The following TXLNB variants were observed in gnomAD, a reference collection of about 807,000 sequenced individuals.
The protein encoded by TXLNB is taxilin beta.
TXLNB carries 37 observed loss-of-function variants against 57.4 expected under a neutral mutation model. The ratio of observed to expected loss-of-function variants is 0.64; its 90% confidence interval spans 0.50 to 0.85. TXLNB has a LOEUF of 0.85. Among genes scored for constraint, TXLNB ranks in the 40% least tolerant of loss-of-function variants. The pLI is 0.00. For synonymous variants in TXLNB, 302 were observed against 309.6 expected, an observed-to-expected ratio of 0.98 and a Z score of 0.26; for missense variants, 848 against 825.6, an observed-to-expected ratio of 1.03 and a Z score of -0.33.
the TXLNB span, among the ~76,000 whole-genome samples, chr6:139,221,022 A>C: frequency 1.4e-4 from 21 of 152,336 alleles, no homozygotes; most frequent in African/African-American, 5.1e-4. Flanking sequence ...GAACTTGATA[A>C]AACAGGTAGA....
At chr6:139,207,685 A>G in the TXLNB span, among the ~76,000 whole-genome samples, 1 of 152,176 alleles carries the variant, frequency 6.6e-6, no homozygotes, top group East Asian at 1.9e-4. Context: ...CAATAAATGA[A>G]CCAAAAGTTG....
upstream of TXLNB, among the ~76,000 whole-genome samples, chr6:139,296,358 C>A (rs1294744729): frequency 6.6e-6 from 1 of 151,680 alleles, no homozygotes; most frequent in African/African-American, 2.4e-5. Context: ...TATTATTTTC[C>A]CCTGTCTTTT....
chr6:139,216,998 A>T, the TXLNB span, among the ~76,000 whole-genome samples: 1 of 152,170 alleles, frequency 6.6e-6, no homozygotes, highest in Non-Finnish European at 1.5e-5. Context: ...AACCACGTGT[A>T]CCCCAAAAAC....
intron 2 of TXLNB, among the ~76,000 whole-genome samples, chr6:139,288,001 G>T (rs1777216860): frequency 6.6e-6 from 1 of 152,252 alleles, no homozygotes; most frequent in Admixed American, 6.5e-5. Context: ...GATAGGTACA[G>T]ATTTCTAGGT....
chr6:139,249,626 T>G (rs1776146854), intron 7 of TXLNB, among the ~76,000 whole-genome samples: 1 of 151,936 alleles, frequency 6.6e-6, no homozygotes, highest in Non-Finnish European at 1.5e-5. Context: ...GGTGTGGGTG[T>G]GAGAGGGAGT....
chr6:139,186,821 G>A, the TXLNB span, among the ~76,000 whole-genome samples: 1 of 152,150 alleles, frequency 6.6e-6, no homozygotes, highest in Admixed American at 6.5e-5. Context: ...CACCATGGAC[G>A]GACCTCAAAA....
chr6:139,206,350 A>G, the TXLNB span, among the ~76,000 whole-genome samples: 1 of 152,208 alleles, frequency 6.6e-6, no homozygotes, highest in African/African-American at 2.4e-5. Flanking sequence ...TTGAATGTAA[A>G]TGACCTAAAT....
chr6:139,260,639 C>T (rs904693847), intron 5 of TXLNB, among the ~76,000 whole-genome samples: 3 of 152,136 alleles, frequency 2.0e-5, no homozygotes, highest in Admixed American at 6.5e-5. Context: ...ACCACACACA[C>T]AAAGCTAGCT....
chr6:139,188,567 G>A, the TXLNB span, among the ~76,000 whole-genome samples: 1 of 152,144 alleles, frequency 6.6e-6, no homozygotes, highest in Non-Finnish European at 1.5e-5. Flanking sequence ...TATAAGGTTT[G>A]CATTTTTGTA....
the TXLNB span, among the ~76,000 whole-genome samples, chr6:139,221,142 G>A: frequency 7.0e-4 from 107 of 152,244 alleles, no homozygotes; most frequent in African/African-American, 2.5e-3. Flanking sequence ...CCCCTTGAAC[G>A]CTCTTGCAAA....
chr6:139,250,385 G>A (rs1413812401), intron 7 of TXLNB, among the ~76,000 whole-genome samples: 3 of 120,444 alleles, frequency 2.5e-5, no homozygotes, highest in African/African-American at 9.5e-5. Flanking sequence ...TCAAAATACT[G>A]GCTGGAATCC....
chr6:139,211,199 C>A, the TXLNB span, among the ~76,000 whole-genome samples: 1 of 152,228 alleles, frequency 6.6e-6, no homozygotes, highest in African/African-American at 2.4e-5. Context: ...GGGTCCCTGA[C>A]CCCTGAGTAG....
the TXLNB span, chr6:139,179,394 C>T: frequency 6.6e-6 from 1 of 152,148 alleles, no homozygotes; most frequent in Non-Finnish European, 1.5e-5. Flanking sequence ...TTTAGAACTG[C>T]CGTCAGTGTA....
chr6:139,217,221 T>G, the TXLNB span, among the ~76,000 whole-genome samples: 52 of 152,222 alleles, frequency 3.4e-4, no homozygotes, highest in East Asian at 8.9e-3. Flanking sequence ...ACAGCAGCCT[T>G]GCGCTTACAC....
At chr6:139,320,241 C>T in the TXLNB span, among the ~76,000 whole-genome samples, 1 of 152,100 alleles carries the variant, frequency 6.6e-6, no homozygotes, top group South Asian at 2.1e-4. Context: ...ACACATAGGT[C>T]CTAATTCATC....
At position 139,247,826 on chromosome 6, in the gene TXLNB, T is replaced by C. The variant is rs1167925372; in HGVS notation, c.1161A>G (p.Glu387=). The change falls in exon 8 of 10, where the codon GAA becomes GAG. Residue 387 remains glutamate (E), a synonymous_variant. Transcript: ENST00000358430. The part of the protein sequence containing the change: ...SNEVFATFKQ[E]MDKTTKKMKK... Reference sequence around the variant, plus strand: ...GATAAGCAATACTCACTTTGTCCATTTCCTGTTTGAACGTGGCAAACACCT... The same window carrying C: ...GATAAGCAATACTCACTTTGTCCATCTCCTGTTTGAACGTGGCAAACACCT... 6.2e-7 allele frequency: 1 copy of C among 1,602,962 alleles called. No homozygotes were observed. The highest frequency in any genetic ancestry group is 8.5e-7 in the Non-Finnish European group (1 of 1,174,308).
chr6:139,319,065 T>G, the TXLNB span, among the ~76,000 whole-genome samples: 1 of 146,020 alleles, frequency 6.8e-6, no homozygotes, highest in East Asian at 2.2e-4. Flanking sequence ...GCCTCAGCCC[T>G]CCAAGTAGCT....
intron 7 of TXLNB, among the ~76,000 whole-genome samples, chr6:139,248,221 C>A (rs1000280376): frequency 2.0e-5 from 3 of 149,646 alleles, no homozygotes; most frequent in Non-Finnish European, 4.4e-5. Context: ...TGCAGTGAGC[C>A]GAGATCGTGC....
At chr6:139,185,573 C>T in the TXLNB span, among the ~76,000 whole-genome samples, 1 of 152,076 alleles carries the variant, frequency 6.6e-6, no homozygotes, top group Non-Finnish European at 1.5e-5. Context: ...TGGTGGTGGG[C>T]ACCTGTAGTC....
Sources: gnomAD v4.1 joint callset for allele counts (sites outside exome capture counted in the v4.1 genomes callset) on GRCh38, gnomAD v4.1.1 for gene constraint, MANE v1.5 for transcripts, NCBI Gene and HGNC (gene_info 2026-07-23, HGNC 2026-07-21) for gene names.